The following COG4 variants were observed in gnomAD, a reference collection of about 807,000 sequenced individuals.
The protein encoded by COG4 is component of oligomeric golgi complex 4.
In COG4, 65 loss-of-function variants were observed where a neutral mutation model predicts 95.1. The ratio of observed to expected loss-of-function variants is 0.68; its 90% CI spans 0.56 to 0.84. The LOEUF (loss-of-function observed/expected upper bound fraction) is 0.84, where lower values mean the gene tolerates loss of function less well. Among genes scored for constraint, COG4 ranks in the 40% least tolerant of loss-of-function variants. The pLI is 0.00. For synonymous variants in COG4, 421 were observed against 374.8 expected, an observed-to-expected ratio of 1.12 and a Z score of -1.42; for missense variants, 1,045 against 989.1, an observed-to-expected ratio of 1.06 and a Z score of -0.76.
At chr16:70,520,590 C>A (rs1054920362) in intron 1 of COG4, among the ~76,000 whole-genome samples, 1 of 151,450 alleles carries the variant, frequency 6.6e-6, no homozygotes, top group African/African-American at 2.4e-5. Context: ...CGAGATCGTG[C>A]CATTTCACTC....
Position 70,497,955 on chromosome 16 carries a change from C to A in COG4, c.1296G>T (p.Met432Ile). Residue 432 changes from methionine (M) to isoleucine (I), a missense_variant, in exon 10 of 19, where the codon ATG (methionine) becomes ATT (isoleucine). Transcript: ENST00000323786. ...GLYVTMEEYF[M>I]RETVNKAVAL... The stretch of plus-strand genomic sequence containing the variant: ...GTCCTACCTTATTGACAGTCTCCCT[C>A]ATGAAGTACTCCTCCATGGTAACAT... 1 of 1,599,646 alleles carries A rather than the reference C, an allele frequency of 6.3e-7. No homozygotes were observed. Among genetic ancestry groups the A allele is most frequent in the Non-Finnish European group, 8.6e-7 (1 of 1,166,810 alleles).
At chr16:70,508,208 C>T (rs569998579) in intron 8 of COG4, among the ~76,000 whole-genome samples, 198 bp downstream of exon 8, 7 of 152,212 alleles carry the variant, frequency 4.6e-5, no homozygotes, top group Non-Finnish European at 5.9e-5. Context: ...TGTGAGCCAC[C>T]GCGCCCGGCT....
intron 1 of COG4, among the ~76,000 whole-genome samples, chr16:70,520,475 A>C (rs1015513447): frequency 2.0e-5 from 3 of 151,102 alleles, no homozygotes; most frequent in African/African-American, 7.3e-5. Flanking sequence ...AAAAAACAAA[A>C]AACAAAATTA....
rs1284602192 is a variant in COG4 at position 70,512,363 on chromosome 16, T to C, written c.614A>G (p.Glu205Gly). The C allele has an allele frequency of 6.2e-7, 1 of 1,614,180 alleles. No individual in the cohort carries two copies. ...TTCCTTGGTGGCAATGGCAAACTTC[T>C]CTGCCACAATGGCTTTGAGACGTTG... ...AEQRLKAIVAEKFAIATKEGD... is the reference protein window; with the variant it reads ...AEQRLKAIVAGKFAIATKEGD... The change falls in exon 5 of 19, where the codon GAG (glutamate) becomes GGG (glycine). Residue 205 changes from glutamate (E) to glycine (G), a missense_variant. By Grantham distance (98) the Glu-to-Gly change is moderately conservative. Transcript: ENST00000323786.
At chr16:70,520,015 A>G (rs1438275559) in intron 1 of COG4, among the ~76,000 whole-genome samples, 1 of 152,172 alleles carries the variant, frequency 6.6e-6, no homozygotes, top group African/African-American at 2.4e-5. Context: ...CATTTAAAAT[A>G]CAATGCCTGG....
intron 8 of COG4, among the ~76,000 whole-genome samples, chr16:70,507,862 A>G (rs1212767323): frequency 1.4e-5 from 2 of 142,986 alleles, no homozygotes; most frequent in South Asian, 4.4e-4. Flanking sequence ...ACTCTGTCTC[A>G]AAAAAAAAAA....
At position 70,509,265 on chromosome 16, in the gene COG4, T is replaced by A; in HGVS notation, c.968A>T (p.Asp323Val). 1 of 1,614,186 alleles carries A rather than the reference T, an allele frequency of 6.2e-7. No homozygotes were observed. The highest frequency in any genetic ancestry group is 8.5e-7 in the Non-Finnish European group (1 of 1,180,028). ...GTAGTCCCTTTGCTTGATGAACTTG[T>A]CTACCACCTTCTCCACCTGTCTGTC... is the stretch of plus-strand genomic sequence containing the variant. ...ECDRQVEKVV[D>V]KFIKQRDYHQ... Residue 323 changes from aspartate (D) to valine (V), a missense_variant, in exon 7 of 19, where the codon GAC (aspartate) becomes GTC (valine). Coordinates refer to ENST00000323786, the MANE Select transcript of COG4 (RefSeq NM_015386.3).
intron 13 of COG4, among the ~76,000 whole-genome samples, chr16:70,489,406 A>C (rs1431715727): frequency 6.6e-6 from 1 of 151,312 alleles, no homozygotes; most frequent in East Asian, 1.9e-4. Flanking sequence ...TTTAGTAGAG[A>C]TGGGGTTTCA....
chr16:70,509,322 T>C lies in COG4; in HGVS notation c.911A>G (p.Tyr304Cys), dbSNP rs141093382. ...VETYYGPGRL[Y>C]TLIKYLQVEC... ...CACCTGCAGATATTTGATCAGGGTA[T>C]AGAGTCTCCCTGGCCCATAATAGGT... Residue 304 changes from tyrosine to cysteine, a missense_variant, in exon 7 of 19, where the codon TAT (tyrosine) becomes TGT (cysteine). Coordinates refer to ENST00000323786, the MANE Select transcript of COG4 (RefSeq NM_015386.3). 63 of 1,614,082 alleles carry C rather than the reference T, an allele frequency of 3.9e-5. No homozygotes were observed. The highest frequency in any genetic ancestry group is 5.0e-5 in the Non-Finnish European group (59 of 1,180,032).
At chr16:70,510,060 G>T in intron 5 of COG4, 39 bp from the exon 6 acceptor site, 1 of 1,536,908 alleles carries the variant, frequency 6.5e-7, no homozygotes, top group Non-Finnish European at 9.0e-7. Context: ...CCTCAGAAAG[G>T]TCACCCTCAT....
chr16:70,500,093 C>A (rs933074646), intron 9 of COG4, among the ~76,000 whole-genome samples: 1 of 152,006 alleles, frequency 6.6e-6, no homozygotes, highest in South Asian at 2.1e-4. Context: ...CTCGGCCTCC[C>A]AAAGTTTTGG....
chr16:70,488,318 G>A (rs2049178676), intron 13 of COG4, among the ~76,000 whole-genome samples: 1 of 151,866 alleles, frequency 6.6e-6, no homozygotes, highest in African/African-American at 2.4e-5. Context: ...ATTTTTAGTA[G>A]AGACAGGACT....
chr16:70,493,523 A>G (rs2049285620), intron 12 of COG4, among the ~76,000 whole-genome samples: 1 of 152,188 alleles, frequency 6.6e-6, no homozygotes, highest in Non-Finnish European at 1.5e-5. Context: ...CTCAATAAAT[A>G]TTTGTGCAAT....
intron 13 of COG4, among the ~76,000 whole-genome samples, chr16:70,489,071 G>A (rs1288842299): frequency 2.0e-5 from 3 of 152,140 alleles, no homozygotes; most frequent in Non-Finnish European, 2.9e-5. Flanking sequence ...GGGGTATCTG[G>A]CTTCAAAGCC....
chr16:70,518,605 G>A (rs1314811574), intron 2 of COG4, among the ~76,000 whole-genome samples: 1 of 152,058 alleles, frequency 6.6e-6, no homozygotes. Context: ...CTCCCACAGT[G>A]CTGGAATTAC....
Position 70,517,649 on chromosome 16 carries a change from C to A in COG4, c.346G>T (p.Val116Phe), listed in dbSNP as rs566438352. 10 of 1,446,214 alleles carry A rather than the reference C, an allele frequency of 6.9e-6. No homozygotes were observed. The African/African-American group carries it at 1.3e-4, about 19-fold the overall frequency. The allele number at this position is 1,446,214 out of a possible 1,614,324, so 89.6% of individuals were successfully genotyped here. A position where few individuals can be genotyped will look rare whatever the true frequency, so the allele number is the denominator to read the frequency against. ...CNLAENVSSKVRQLDLAKNRL... is the reference protein window; with the variant it reads ...CNLAENVSSKFRQLDLAKNRL... ...ACCTTGGCCAGGTCAAGCTGACGAA[C>A]TTTGCTGGACACATTCTCAGCCAGG... Residue 116 changes from valine (V) to phenylalanine (F), a missense_variant, in exon 3 of 19, where the codon GTT becomes TTT. By Grantham distance (50) the Val-to-Phe change is conservative (BLOSUM62 -1). Transcript: ENST00000323786.
chr16:70,500,143 C>G (rs939679924), intron 9 of COG4, among the ~76,000 whole-genome samples: 4 of 151,604 alleles, frequency 2.6e-5, no homozygotes, highest in Non-Finnish European at 5.9e-5. Flanking sequence ...AAATTTTTAT[C>G]TTTTAATATA....
intron 9 of COG4, among the ~76,000 whole-genome samples, chr16:70,498,507 T>C (rs2049386099): frequency 6.6e-6 from 1 of 152,126 alleles, no homozygotes. Context: ...TTTGTATTTT[T>C]AGTAGAGACA....
At chr16:70,484,926 A>C (rs1044667869) in intron 13 of COG4, among the ~76,000 whole-genome samples, 20 of 152,028 alleles carry the variant, frequency 1.3e-4, no homozygotes, top group Non-Finnish European at 1.3e-4. Flanking sequence ...AACAAAATGA[A>C]AACCAAAAAA....
Sources: gnomAD v4.1 joint callset for allele counts (sites outside exome capture counted in the v4.1 genomes callset) on GRCh38, gnomAD v4.1.1 for gene constraint, MANE v1.5 for transcripts, NCBI Gene and HGNC (gene_info 2026-07-23, HGNC 2026-07-21) for gene names.